The following KIF16B variants were observed in gnomAD, a reference collection of about 807,000 sequenced individuals.
The protein encoded by KIF16B is kinesin-like protein KIF16B.
Under a neutral mutation model 156.3 loss-of-function variants are expected in KIF16B, and 98 were observed. The ratio of observed to expected loss-of-function variants is 0.63; its 90% CI spans 0.53 to 0.74. KIF16B has a LOEUF of 0.74. Ranked by LOEUF, KIF16B falls within the 30% of genes least tolerant of loss-of-function variation. The pLI is 0.00. For synonymous variants in KIF16B, 564 were observed against 583.7 expected, an observed-to-expected ratio of 0.97 and a Z score of 0.49; for missense variants, 1,421 against 1,606.5, an observed-to-expected ratio of 0.88 and a Z score of 1.97.
chr20:16,325,913 A>C (rs189913628), intron 24 of KIF16B, among the ~76,000 whole-genome samples: 20 of 152,334 alleles, frequency 1.3e-4, no homozygotes, highest in Admixed American at 1.3e-3. Flanking sequence ...ATAAGGCTAC[A>C]GTCACCAAAA....
intron 12 of KIF16B, among the ~76,000 whole-genome samples, chr20:16,480,750 A>G (rs937857679): frequency 2.6e-5 from 4 of 152,238 alleles, no homozygotes. Flanking sequence ...CATGAGCTGC[A>G]TATACCATCT....
chr20:16,407,536 T>C (rs2065816940), intron 15 of KIF16B, among the ~76,000 whole-genome samples: 1 of 152,112 alleles, frequency 6.6e-6, no homozygotes, highest in Admixed American at 6.6e-5. Context: ...AAGTTGGGTC[T>C]CACCGGATAA....
At chr20:16,332,748 T>C (rs923203485) in intron 24 of KIF16B, among the ~76,000 whole-genome samples, 1 of 152,144 alleles carries the variant, frequency 6.6e-6, no homozygotes, top group Non-Finnish European at 1.5e-5. Context: ...CTTTACTTAG[T>C]GTAAAAGAAA....
At chr20:16,328,093 A>G (rs1228944538) in intron 24 of KIF16B, among the ~76,000 whole-genome samples, 1 of 152,204 alleles carries the variant, frequency 6.6e-6, no homozygotes, top group East Asian at 1.9e-4. Flanking sequence ...AAGGTGAGAA[A>G]TGGTTCATCA....
rs890925496 is a variant in KIF16B, at chr20:16,273,045, C to G, written c.*208G>C. On this transcript the variant is annotated 3_prime_UTR_variant, in exon 26 of 26. Transcript: ENST00000354981. ...ACCGCAATGGAACGGTAACGGCTGCCTGTCAGGGCCACATCAGCAGGCAGA... is the reference window on the plus strand; with the variant it reads ...ACCGCAATGGAACGGTAACGGCTGCGTGTCAGGGCCACATCAGCAGGCAGA... 1 of 557,848 alleles carries G rather than the reference C, an allele frequency of 1.8e-6. No homozygotes were observed. 34.6% of individuals were successfully genotyped at this position (557,848 alleles called of 1,614,324 possible).
intron 21 of KIF16B, 74 bp downstream of exon 21, chr20:16,371,589 CAA>C (rs111754823): frequency 0.017 from 10,219 of 613,630 alleles, no homozygotes; most frequent in Non-Finnish European, 0.019. Flanking sequence ...GACTCAGTCT[CAA>C]AAAAAAAAAA....
At chr20:16,475,363 T>C (rs1323480125) in intron 12 of KIF16B, among the ~76,000 whole-genome samples, 1 of 152,100 alleles carries the variant, frequency 6.6e-6, no homozygotes, top group African/African-American at 2.4e-5. Context: ...CCCAAGGTCA[T>C]ACAGCCAGCA....
At chr20:16,440,288 C>A (rs1377533620) in intron 12 of KIF16B, among the ~76,000 whole-genome samples, 3 of 152,020 alleles carry the variant, frequency 2.0e-5, no homozygotes, top group Non-Finnish European at 4.4e-5. Context: ...GCCCTTAAAA[C>A]TCAAAACAAT....
chr20:16,396,484 T>C (rs1022609325), intron 17 of KIF16B, among the ~76,000 whole-genome samples: 1 of 151,836 alleles, frequency 6.6e-6, no homozygotes, highest in Admixed American at 6.6e-5. Flanking sequence ...TAATCCATCT[T>C]GGTAAAAGAT....
intron 25 of KIF16B, among the ~76,000 whole-genome samples, chr20:16,297,497 TCTGG>T (rs1490518863): frequency 1.6e-4 from 25 of 151,906 alleles, no homozygotes; most frequent in East Asian, 9.8e-4. Context: ...TCAAGACCAT[TCTGG>T]CTGGCTAACA....
chr20:16,385,057 C>T (rs1361626786), intron 17 of KIF16B, among the ~76,000 whole-genome samples: 2 of 151,870 alleles, frequency 1.3e-5, no homozygotes, highest in African/African-American at 2.4e-5. Flanking sequence ...ATTAGCCAGG[C>T]GTGGTGGTGG....
At position 16,540,124 on chromosome 20, in the gene KIF16B, C is replaced by T. The variant is rs576554971; in HGVS notation, c.48-11684G>A. 1.5e-4 allele frequency among the ~76,000 whole-genome samples: 23 copies of T among 152,214 alleles called. No individual in the cohort carries two copies. The South Asian group carries it at 3.9e-3, about 26-fold the overall frequency. The stretch of plus-strand genomic sequence containing the variant: ...TAATATGGAAAGAAGTCCAAGGAAG[C>T]CTGTAAGTGGAAGAGCAAGCAGCAA... On this transcript the variant is annotated intron_variant, in intron 1 of 25. Coordinates refer to ENST00000354981, the MANE Select transcript of KIF16B (RefSeq NM_024704.5).
intron 23 of KIF16B, among the ~76,000 whole-genome samples, chr20:16,344,587 G>C (rs2064197565): frequency 6.6e-6 from 1 of 152,132 alleles, no homozygotes; most frequent in Non-Finnish European, 1.5e-5. Flanking sequence ...CCTTCTTGTG[G>C]GTCCCATCAG....
intron 2 of KIF16B, among the ~76,000 whole-genome samples, chr20:16,527,772 C>G (rs1054553577): frequency 1.3e-5 from 2 of 152,076 alleles, no homozygotes; most frequent in African/African-American, 4.8e-5. Flanking sequence ...TTTATACCCC[C>G]GTTACCCTCC....
At chr20:16,441,027 T>C (rs1445406134) in intron 12 of KIF16B, among the ~76,000 whole-genome samples, 1 of 152,230 alleles carries the variant, frequency 6.6e-6, no homozygotes, top group Non-Finnish European at 1.5e-5. Context: ...CTAGACTTTT[T>C]AAGTAGAGCA....
At chr20:16,469,254 T>TTA in intron 12 of KIF16B, among the ~76,000 whole-genome samples, 1 of 66,080 alleles carries the variant, frequency 1.5e-5, no homozygotes, top group East Asian at 4.5e-4. Context: ...CCCTGTGTCT[T>TTA]AAAAAAAAAA....
intron 15 of KIF16B, among the ~76,000 whole-genome samples, chr20:16,415,689 C>T (rs1364251099): frequency 1.3e-5 from 2 of 152,160 alleles, no homozygotes; most frequent in Non-Finnish European, 2.9e-5. Context: ...GACATTTCTT[C>T]ACTACACACT....
chr20:16,370,487 T>A, intron 22 of KIF16B, 99 bp downstream of exon 22: 1 of 980,578 alleles, frequency 1.0e-6, no homozygotes, highest in Non-Finnish European at 1.5e-6. Context: ...TGCCGGGACC[T>A]CAAAATTCTA....
chr20:16,291,763 C>T (rs544642979), intron 25 of KIF16B, among the ~76,000 whole-genome samples: 7 of 152,158 alleles, frequency 4.6e-5, no homozygotes, highest in South Asian at 2.1e-4. Flanking sequence ...GCCCAGATTC[C>T]TCCAAATAAG....
Sources: allele counts gnomAD v4.1 joint callset (sites outside exome capture counted in the v4.1 genomes callset), GRCh38; gene constraint gnomAD v4.1.1; transcripts MANE v1.5; gene names NCBI Gene and HGNC (gene_info 2026-07-23, HGNC 2026-07-21).